NRXN1: variants seen among roughly 807,000 people sequenced by gnomAD.
The protein encoded by NRXN1 is neurexin-1.
NRXN1 carries 39 observed loss-of-function variants against 150.9 expected under a neutral mutation model. The observed-to-expected ratio is 0.26, with a 90% CI of 0.20 to 0.34. The LOEUF (loss-of-function observed/expected upper bound fraction) is 0.34, where lower values mean the gene tolerates loss of function less well. Among genes scored for constraint, NRXN1 ranks in the 10% least tolerant of loss-of-function variants. The pLI is 1.00. For missense variants in NRXN1, 1,815 were observed against 1,949.9 expected, an observed-to-expected ratio of 0.93 and a Z score of 1.30; for synonymous variants, 924 against 757.0, an observed-to-expected ratio of 1.22 and a Z score of -3.62.
At chr2:50,799,135 T>G (rs1245641699) in intron 5 of NRXN1, among the ~76,000 whole-genome samples, 1 of 152,134 alleles carries the variant, frequency 6.6e-6, no homozygotes, top group Non-Finnish European at 1.5e-5. Context: ...AAAAATAATA[T>G]AAGCTAAATT....
intron 17 of NRXN1, among the ~76,000 whole-genome samples, chr2:50,421,383 G>C (rs1244437677): frequency 6.6e-6 from 1 of 152,010 alleles, no homozygotes; most frequent in East Asian, 1.9e-4. Context: ...GCAATATTAG[G>C]TAAGTGGGAA....
chr2:50,636,475 A>G (rs999516651), intron 5 of NRXN1, among the ~76,000 whole-genome samples: 3 of 152,136 alleles, frequency 2.0e-5, no homozygotes, highest in African/African-American at 7.2e-5. Context: ...CGATTTATTG[A>G]GCCACTGTTT....
intron 17 of NRXN1, among the ~76,000 whole-genome samples, chr2:50,433,333 G>A (rs2104388288): frequency 6.6e-6 from 1 of 152,214 alleles, no homozygotes; most frequent in South Asian, 2.1e-4. Flanking sequence ...AACATTTCTT[G>A]AAATTTAAAT....
At chr2:50,773,793 G>A (rs1703286654) in intron 5 of NRXN1, among the ~76,000 whole-genome samples, 3 of 152,214 alleles carry the variant, frequency 2.0e-5, no homozygotes, top group East Asian at 1.9e-4. Flanking sequence ...TGGCAGAAGC[G>A]AAGGACAAGG....
chr2:50,073,737 T>C (rs988252209), intron 19 of NRXN1, among the ~76,000 whole-genome samples: 3 of 152,096 alleles, frequency 2.0e-5, no homozygotes, highest in Admixed American at 1.3e-4. Flanking sequence ...GGTAGGAAAA[T>C]TGAGAATAAA....
chr2:50,731,549 C>T (rs1326420748), intron 5 of NRXN1, among the ~76,000 whole-genome samples: 1 of 151,942 alleles, frequency 6.6e-6, no homozygotes, highest in Non-Finnish European at 1.5e-5. Context: ...CCAAAAGCAC[C>T]AATGATCTAG....
At chr2:50,551,050 G>GGAAGAGGAAGAGGAAGAAGAAGAAGAA (rs1335681510) in intron 9 of NRXN1, among the ~76,000 whole-genome samples, 6 of 79,016 alleles carry the variant, frequency 7.6e-5, no homozygotes, top group African/African-American at 3.6e-4. Flanking sequence ...AAGAGGAAGA[G>GGAAGAGGAAGAGGAAGAAGAAGAAGAA]GAAGAAGAAG....
At chr2:50,010,862 A>G (rs1685539634) in intron 21 of NRXN1, among the ~76,000 whole-genome samples, 1 of 152,186 alleles carries the variant, frequency 6.6e-6, no homozygotes, top group South Asian at 2.1e-4. Context: ...CATGTTATCA[A>G]TGCTAATTAT....
At chr2:50,506,216 G>A (rs976932063) in intron 13 of NRXN1, among the ~76,000 whole-genome samples, 14 of 151,868 alleles carry the variant, frequency 9.2e-5, no homozygotes, top group African/African-American at 3.4e-4. Flanking sequence ...TATTTGATGA[G>A]GCACCAAGAT....
chr2:50,501,346 T>C (rs1024099881), intron 13 of NRXN1, among the ~76,000 whole-genome samples: 1 of 151,058 alleles, frequency 6.6e-6, no homozygotes. Flanking sequence ...CATTCAGAGC[T>C]AAGGAGGATT....
intron 17 of NRXN1, among the ~76,000 whole-genome samples, chr2:50,411,107 A>G (rs2083125932): frequency 6.8e-6 from 1 of 147,060 alleles, no homozygotes; most frequent in Non-Finnish European, 1.5e-5. Context: ...CGGAGGCTGG[A>G]CTGTACTGCA....
chr2:50,649,933 C>G (rs947783300), intron 5 of NRXN1, among the ~76,000 whole-genome samples: 1 of 152,018 alleles, frequency 6.6e-6, no homozygotes, highest in African/African-American at 2.4e-5. Flanking sequence ...TACATTCTCA[C>G]TGTCTAATAG....
At chr2:50,189,199 A>C (rs1216359677) in intron 18 of NRXN1, among the ~76,000 whole-genome samples, 1 of 152,188 alleles carries the variant, frequency 6.6e-6, no homozygotes, top group Non-Finnish European at 1.5e-5. Context: ...AAAAAGAATT[A>C]CTTCATGTCC....
At chr2:50,669,961 A>C (rs1365699617) in intron 5 of NRXN1, among the ~76,000 whole-genome samples, 1 of 152,046 alleles carries the variant, frequency 6.6e-6, no homozygotes, top group African/African-American at 2.4e-5. Context: ...AGGCTAATCC[A>C]AAAGGAGAAC....
At chr2:50,737,540 T>C (rs750610710) in intron 5 of NRXN1, among the ~76,000 whole-genome samples, 1 of 152,202 alleles carries the variant, frequency 6.6e-6, no homozygotes, top group Non-Finnish European at 1.5e-5. Context: ...GTTGTAGTCA[T>C]TTCAAAGTCC....
At chr2:50,081,829 G>A (rs1036630880) in intron 19 of NRXN1, among the ~76,000 whole-genome samples, 2 of 152,126 alleles carry the variant, frequency 1.3e-5, no homozygotes, top group Admixed American at 6.5e-5. Flanking sequence ...AGAACTCAGA[G>A]TGTTTGAGAA....
At chr2:50,021,505 T>C (rs2152560075) in intron 21 of NRXN1, among the ~76,000 whole-genome samples, 1 of 152,306 alleles carries the variant, frequency 6.6e-6, no homozygotes, top group Non-Finnish European at 1.5e-5. Flanking sequence ...CTATGGAATA[T>C]ATCACATAGT....
At chr2:50,386,869 G>A (rs1457355846) in intron 17 of NRXN1, among the ~76,000 whole-genome samples, 1 of 152,108 alleles carries the variant, frequency 6.6e-6, no homozygotes, top group Non-Finnish European at 1.5e-5. Context: ...CTGCCCAGGG[G>A]CTGGACAAGG....
chr2:50,792,656 C>T (rs1171868756), intron 5 of NRXN1, among the ~76,000 whole-genome samples: 1 of 151,746 alleles, frequency 6.6e-6, no homozygotes, highest in Non-Finnish European at 1.5e-5. Context: ...ATAAAACCTT[C>T]CATTTTACCA....
Sources: allele counts gnomAD v4.1 joint callset (sites outside exome capture counted in the v4.1 genomes callset), GRCh38; gene constraint gnomAD v4.1.1; transcripts MANE v1.5; gene names NCBI Gene and HGNC (gene_info 2026-07-23, HGNC 2026-07-21).